The following CLSTN2 variants were observed in gnomAD, a reference collection of about 807,000 sequenced individuals.
CLSTN2 encodes the protein calsyntenin-2.
In CLSTN2, 48 loss-of-function variants were observed where a neutral mutation model predicts 101.2. The observed-to-expected ratio is 0.47, with a 90% CI of 0.38 to 0.60. The LOEUF is 0.60. Among genes scored for constraint, CLSTN2 ranks in the 20% least tolerant of loss-of-function variants. CLSTN2 has a pLI of 0.00. For missense variants in CLSTN2, 1,160 were observed against 1,238.2 expected (o/e 0.94, Z 0.95); for synonymous variants, 481 against 463.6 (o/e 1.04, Z -0.48).
chr3:140,524,348 T>C (rs1935093049), intron 8 of CLSTN2, among the ~76,000 whole-genome samples: 1 of 152,232 alleles, frequency 6.6e-6, no homozygotes. Flanking sequence ...AGTGAGCATG[T>C]GAAGCTGACA....
chr3:140,563,872 C>G (rs1935972556), intron 15 of CLSTN2, 89 bp from the exon 16 acceptor site: 1 of 1,342,428 alleles, frequency 7.4e-7, no homozygotes, highest in Non-Finnish European at 1.1e-6. Flanking sequence ...CAGACTTTAT[C>G]CTATGCACGG....
At chr3:140,351,934 GAGA>G (rs1249746503) in intron 2 of CLSTN2, among the ~76,000 whole-genome samples, 1 of 151,984 alleles carries the variant, frequency 6.6e-6, no homozygotes, top group African/African-American at 2.4e-5. Flanking sequence ...TAGTGATACA[GAGA>G]AGGACAAAAC....
intron 8 of CLSTN2, among the ~76,000 whole-genome samples, chr3:140,518,017 GGTT>G (rs975209843): frequency 3.0e-4 from 45 of 152,224 alleles, no homozygotes; most frequent in African/African-American, 1.1e-3. Context: ...TGGGGGATGG[GGTT>G]GTTCTCAGGG....
chr3:140,339,311 C>T (rs2087470622), intron 2 of CLSTN2, among the ~76,000 whole-genome samples: 3 of 148,602 alleles, frequency 2.0e-5, no homozygotes, highest in South Asian at 4.2e-4. Flanking sequence ...CAGACTGATT[C>T]TCTCTCTCTC....
chr3:140,461,177 C>T (rs574729573), intron 7 of CLSTN2: 98 of 152,270 alleles, frequency 6.4e-4, no homozygotes, highest in African/African-American at 2.3e-3. Context: ...AATATATTTT[C>T]TGGATGCAGA....
intron 8 of CLSTN2, among the ~76,000 whole-genome samples, chr3:140,521,915 G>A (rs930038011): frequency 6.6e-6 from 1 of 152,162 alleles, no homozygotes; most frequent in Non-Finnish European, 1.5e-5. Flanking sequence ...CCGCCTCCTA[G>A]GGGTATGTAG....
At chr3:140,427,668 T>C (rs1416659953) in intron 5 of CLSTN2, among the ~76,000 whole-genome samples, 1 of 152,150 alleles carries the variant, frequency 6.6e-6, no homozygotes, top group Non-Finnish European at 1.5e-5. Context: ...TGGATAATCC[T>C]CTAAACGGGC....
intron 2 of CLSTN2, among the ~76,000 whole-genome samples, chr3:140,259,303 G>A (rs1245833496): frequency 1.3e-5 from 2 of 151,734 alleles, no homozygotes; most frequent in African/African-American, 2.4e-5. Flanking sequence ...ATGAAACCCC[G>A]TCTCTACTAA....
intron 1 of CLSTN2, among the ~76,000 whole-genome samples, chr3:140,072,608 C>G (rs2008415769): frequency 6.6e-6 from 1 of 152,136 alleles, no homozygotes; most frequent in African/African-American, 2.4e-5. Context: ...GGCCTGTTTA[C>G]AAAAATAAGC....
At chr3:139,965,695 G>T (rs1395119774) in intron 1 of CLSTN2, among the ~76,000 whole-genome samples, 1 of 152,194 alleles carries the variant, frequency 6.6e-6, no homozygotes, top group African/African-American at 2.4e-5. Flanking sequence ...CAGGTAAGAT[G>T]GCAGAGCCTA....
intron 4 of CLSTN2, among the ~76,000 whole-genome samples, chr3:140,413,949 C>T (rs1172710851): frequency 9.2e-5 from 14 of 152,030 alleles, no homozygotes; most frequent in South Asian, 2.1e-4. Flanking sequence ...TCATACTCCA[C>T]GGTGAAAAGT....
intron 4 of CLSTN2, among the ~76,000 whole-genome samples, chr3:140,419,139 A>G (rs113934058): frequency 0.039 from 5,918 of 152,046 alleles, 364 homozygotes; most frequent in African/African-American, 0.13. Flanking sequence ...AGCAGTTAGA[A>G]GAAAGCTCAT....
intron 1 of CLSTN2, among the ~76,000 whole-genome samples, chr3:140,031,926 C>G (rs1464379199): frequency 1.3e-5 from 2 of 152,124 alleles, no homozygotes; most frequent in Non-Finnish European, 2.9e-5. Flanking sequence ...GTCTTTCGGA[C>G]CTCACAACCC....
chr3:140,374,341 C>T (rs1445745570), intron 2 of CLSTN2, among the ~76,000 whole-genome samples: 1 of 152,096 alleles, frequency 6.6e-6, no homozygotes, highest in Non-Finnish European at 1.5e-5. Context: ...TCTTTTCCTC[C>T]TCCTCTCAGT....
intron 1 of CLSTN2, among the ~76,000 whole-genome samples, chr3:140,136,633 A>T (rs1209037485): frequency 6.6e-6 from 1 of 152,328 alleles, no homozygotes; most frequent in Non-Finnish European, 1.5e-5. Context: ...TTTATTAACC[A>T]TCCATGTGAC....
chr3:140,443,220 G>A (rs9882815), intron 5 of CLSTN2, among the ~76,000 whole-genome samples: 25,079 of 152,208 alleles, frequency 0.16, 2,516 homozygotes, highest in South Asian at 0.31. Flanking sequence ...GCTCCTGTGC[G>A]TGCACATTTA....
chr3:139,951,675 A>C (rs985066920), intron 1 of CLSTN2, among the ~76,000 whole-genome samples: 1 of 152,200 alleles, frequency 6.6e-6, no homozygotes, highest in Admixed American at 6.5e-5. Flanking sequence ...TCTTCTTAAC[A>C]AAAAAGAAAT....
intron 2 of CLSTN2, among the ~76,000 whole-genome samples, chr3:140,335,899 C>T (rs73228932): frequency 6.6e-6 from 1 of 152,096 alleles, no homozygotes; most frequent in African/African-American, 2.4e-5. Context: ...TCCCTAATGG[C>T]CTTCTTTCAT....
At chr3:139,978,689 T>A (rs1236594381) in intron 1 of CLSTN2, among the ~76,000 whole-genome samples, 1 of 127,694 alleles carries the variant, frequency 7.8e-6, no homozygotes, top group East Asian at 3.3e-4. Context: ...TGTGTGTGTG[T>A]GTGTGTGTGT....
Sources: allele counts gnomAD v4.1 joint callset (sites outside exome capture counted in the v4.1 genomes callset), GRCh38; gene constraint gnomAD v4.1.1; transcripts MANE v1.5; gene names NCBI Gene and HGNC (gene_info 2026-07-23, HGNC 2026-07-21).